PTCD1: variants seen among roughly 807,000 people sequenced by gnomAD.
The protein encoded by PTCD1 is pentatricopeptide repeat domain 1.
PTCD1 carries 50 observed loss-of-function variants against 53.4 expected under a neutral mutation model. The observed-to-expected ratio is 0.94, with a 90% CI of 0.75 to 1.19. PTCD1 has a LOEUF of 1.19. PTCD1 is among the 50% of genes most tolerant of loss of function. PTCD1 has a pLI of 0.00. For missense variants in PTCD1, 918 were observed against 904.8 expected (o/e 1.01, Z -0.19); for synonymous variants, 413 against 394.8 (o/e 1.05, Z -0.55).
chr7:99,433,425 G>A lies in PTCD1; in HGVS notation c.454-7C>T, dbSNP rs1358052763. 1 of 1,614,128 alleles carries A rather than the reference G, an allele frequency of 6.2e-7. No homozygotes were observed. Among genetic ancestry groups the A allele is most frequent in the East Asian group, 2.2e-5 (1 of 44,880 alleles). Reference sequence around the variant, plus strand: ...GGTCCAGGGCTTCAACCAGCTGCAGGGAAGAGGCAACAGGGCAGGGGCTCA... The same window carrying A: ...GGTCCAGGGCTTCAACCAGCTGCAGAGAAGAGGCAACAGGGCAGGGGCTCA... On this transcript the variant is annotated splice_polypyrimidine_tract_variant and splice_region_variant and intron_variant, in intron 2 of 7. Coordinates refer to ENST00000292478, the MANE Select transcript of PTCD1 (RefSeq NM_015545.4).
rs1160652300 is a variant in PTCD1, at chr7:99,427,038, A to G, written c.916-1422T>C. On this transcript the variant is annotated intron_variant, in intron 5 of 7. Transcript: ENST00000292478. ...CGCCCGGGAGTCACCCTGTCTGGGA[A>G]GTGAGGAGCGTCTCCGCCCGGCAGC... is the stretch of plus-strand genomic sequence containing the variant. Among the ~76,000 whole-genome samples the G allele has an allele frequency of 4.1e-5, 6 of 147,860 alleles. No individual in the cohort carries two copies. The South Asian group carries it at 6.5e-4, about 16-fold the overall frequency.
At chr7:99,435,347 T>G (rs897998717) in intron 1 of PTCD1, 79 bp from the exon 2 acceptor site, 1 of 1,555,278 alleles carries the variant, frequency 6.4e-7, no homozygotes. Context: ...TGGTTACAAG[T>G]ATGGGCCCAG....
In PTCD1 at chr7:99,423,824, A is replaced by C; in HGVS notation, c.1871T>G (p.Val624Gly). Reference protein sequence around the residue: ...KQNRVPVNEVVIRQLEFAAQY... With the variant: ...KQNRVPVNEVGIRQLEFAAQY... Reference sequence around the variant, plus strand: ...GGCTGCAAACTCCAGCTGGCGGATGACCACTTCGTTCACCGGGACCCTGTT... The same window carrying C: ...GGCTGCAAACTCCAGCTGGCGGATGCCCACTTCGTTCACCGGGACCCTGTT... The change falls in exon 7 of 8, where the codon GTC (valine) becomes GGC (glycine). Residue 624 changes from valine to glycine, a missense_variant. Transcript: ENST00000292478. The C allele has an allele frequency of 6.2e-7, 1 of 1,614,162 alleles. No homozygotes were observed. The highest frequency in any genetic ancestry group is 8.5e-7 in the Non-Finnish European group (1 of 1,180,030).
Position 99,419,952 on chromosome 7 carries a change from C to G in PTCD1, c.*15G>C, listed in dbSNP as rs756023282. On this transcript the variant is annotated 3_prime_UTR_variant, in exon 8 of 8. Transcript: ENST00000292478. ...AGCACTGGGGGCCGAGCACATTGTTCCAGCTGTGCTCCCATCACCTGCCCC... is the reference window on the plus strand; with the variant it reads ...AGCACTGGGGGCCGAGCACATTGTTGCAGCTGTGCTCCCATCACCTGCCCC... The G allele has an allele frequency of 6.2e-7, 1 of 1,614,104 alleles. No individual in the cohort carries two copies. The highest frequency in any genetic ancestry group is 2.2e-5 in the East Asian group (1 of 44,888).
Position 99,418,443 on chromosome 7 carries a change from AGTT to A in PTCD1, c.*1521_*1523del, listed in dbSNP as rs1388189519. ...GCCGCTCAGTGCAGCCCCTCAGCAC[AGTT>A]GTTGGCCCCACCGCCCATCTGCCAG... On this transcript the variant is annotated 3_prime_UTR_variant, in exon 8 of 8. Coordinates refer to ENST00000292478, the MANE Select transcript of PTCD1 (RefSeq NM_015545.4). 1.3e-5 allele frequency: 2 copies of A among 153,338 alleles called. No individual in the cohort carries two copies. The highest frequency in any genetic ancestry group is 2.9e-5 in the Non-Finnish European group (2 of 68,930). 9.5% of individuals were successfully genotyped at this position (153,338 alleles called of 1,614,324 possible). A position where few individuals can be genotyped will look rare whatever the true frequency, so the allele number is the denominator to read the frequency against.
In PTCD1 at chr7:99,435,143, C is replaced by T. The variant is rs547817298; in HGVS notation, c.100G>A (p.Gly34Ser). The change falls in exon 2 of 8, where the codon GGC (glycine) becomes AGC (serine). Residue 34 changes from glycine to serine, a missense_variant. Transcript: ENST00000292478. ...LDPCRARWAG[G>S]REGLMRPMWA... Reference sequence around the variant, plus strand: ...ATTGGCCGCATCAGCCCCTCCCTGCCTCCTGCCCACCTGGCTCTACAGGGG... The same window carrying T: ...ATTGGCCGCATCAGCCCCTCCCTGCTTCCTGCCCACCTGGCTCTACAGGGG... 1.9e-6 allele frequency: 3 copies of T among 1,601,062 alleles called. No individual in the cohort carries two copies. Among genetic ancestry groups the T allele is most frequent in the Admixed American group, 1.7e-5 (1 of 59,798 alleles).
chr7:99,433,514 G>T, intron 2 of PTCD1, 96 bp from the exon 3 acceptor site: 5 of 1,602,704 alleles, frequency 3.1e-6, no homozygotes, highest in Non-Finnish European at 4.2e-6. Context: ...TCCTAAAATG[G>T]TGGAGAACGG....
chr7:99,426,833 G>T (rs368108407), intron 5 of PTCD1, among the ~76,000 whole-genome samples: 1 of 146,100 alleles, frequency 6.8e-6, no homozygotes, highest in African/African-American at 2.6e-5. Flanking sequence ...CCGCCGCCCC[G>T]TCTGGGATGT....
intron 5 of PTCD1, among the ~76,000 whole-genome samples, chr7:99,427,585 C>A (rs1015808280): frequency 1.3e-5 from 2 of 152,040 alleles, no homozygotes; most frequent in African/African-American, 4.8e-5. Context: ...TGCCCGGCCA[C>A]CACCCCGTCT....
chr7:99,427,937 A>G (rs1431994139), intron 5 of PTCD1, among the ~76,000 whole-genome samples: 1 of 150,846 alleles, frequency 6.6e-6, no homozygotes, highest in East Asian at 1.9e-4. Flanking sequence ...ACCACTCCCT[A>G]ATCTCAAGTA....
Position 99,417,149 on chromosome 7 carries a change from T to A in PTCD1, c.*2818A>T. 1 of 351,518 alleles carries A rather than the reference T, an allele frequency of 2.8e-6. No individual in the cohort carries two copies. Among genetic ancestry groups the A allele is most frequent in the South Asian group, 2.4e-5 (1 of 41,308 alleles). 21.8% of individuals were successfully genotyped at this position (351,518 alleles called of 1,614,324 possible). A position where few individuals can be genotyped will look rare whatever the true frequency, so the allele number is the denominator to read the frequency against. On this transcript the variant is annotated 3_prime_UTR_variant, in exon 8 of 8. Coordinates refer to ENST00000292478, the MANE Select transcript of PTCD1 (RefSeq NM_015545.4). Reference sequence around the variant, plus strand: ...TCAGGTCACTACAACCTCCGCCTCCTGGGTTCAAGTGATTCTCCTGCCTCA... The same window carrying A: ...TCAGGTCACTACAACCTCCGCCTCCAGGGTTCAAGTGATTCTCCTGCCTCA...
Position 99,419,777 on chromosome 7 carries a change from G to A in PTCD1, c.*190C>T, listed in dbSNP as rs1795717385. ...AAGGTGACACGCAAAGGTGGCTGGAGCTGCACTTGGACCTGCTGGGAGCAC... is the reference window on the plus strand; with the variant it reads ...AAGGTGACACGCAAAGGTGGCTGGAACTGCACTTGGACCTGCTGGGAGCAC... On this transcript the variant is annotated 3_prime_UTR_variant, in exon 8 of 8. Coordinates refer to ENST00000292478, the MANE Select transcript of PTCD1 (RefSeq NM_015545.4). 4.4e-6 allele frequency: 4 copies of A among 913,818 alleles called. No individual in the cohort carries two copies. The highest frequency in any genetic ancestry group is 4.9e-6 in the Non-Finnish European group (3 of 616,350). 56.6% of individuals were successfully genotyped at this position (913,818 alleles called of 1,614,324 possible).
intron 5 of PTCD1, among the ~76,000 whole-genome samples, chr7:99,426,709 G>A (rs982860242): frequency 4.0e-5 from 6 of 150,720 alleles, no homozygotes; most frequent in African/African-American, 1.2e-4. Context: ...CTGCCCAGCC[G>A]CCATCCCATC....
chr7:99,425,785 C>T (rs1003783240), intron 5 of PTCD1, among the ~76,000 whole-genome samples, 169 bp from the exon 6 acceptor site: 5 of 152,114 alleles, frequency 3.3e-5, no homozygotes, highest in African/African-American at 1.2e-4. Flanking sequence ...CAAAAAAATA[C>T]GCCAGGCGCG....
intron 1 of PTCD1, among the ~76,000 whole-genome samples, chr7:99,435,684 G>A (rs569587400): frequency 4.0e-5 from 6 of 151,232 alleles, no homozygotes; most frequent in Admixed American, 2.0e-4. Flanking sequence ...GGCCAGGGGC[G>A]GTGGCTCATG....
chr7:99,426,120 TCC>T, intron 5 of PTCD1, among the ~76,000 whole-genome samples: 1 of 145,784 alleles, frequency 6.9e-6, no homozygotes, highest in Non-Finnish European at 1.5e-5. Flanking sequence ...CCTCTCCCTC[TCC>T]CCCTCCCTCT....
Position 99,423,940 on chromosome 7 carries a change from G to T in PTCD1, c.1755C>A (p.Pro585=). 6.2e-7 allele frequency: 1 copy of T among 1,614,088 alleles called. No individual in the cohort carries two copies. Among genetic ancestry groups the T allele is most frequent in the East Asian group, 2.2e-5 (1 of 44,882 alleles). The change falls in exon 7 of 8, where the codon CCC becomes CCA. Residue 585 remains proline (P), a synonymous_variant. Coordinates refer to ENST00000292478, the MANE Select transcript of PTCD1 (RefSeq NM_015545.4). The part of the protein sequence containing the change: ...LTDMKKSQVT[P]NTHIYSALIN... ...TGAGGGCACTGTAGATGTGAGTGTT[G>T]GGGGTCACCTGGGACTTCTAGAACA...
At chr7:99,437,882 C>G (rs544432287) in intron 1 of PTCD1, among the ~76,000 whole-genome samples, 2 of 151,506 alleles carry the variant, frequency 1.3e-5, no homozygotes, top group East Asian at 4.0e-4. Context: ...CCAGGCTGGT[C>G]TCGAACTCCT....
intron 5 of PTCD1, among the ~76,000 whole-genome samples, chr7:99,425,902 A>C (rs1795995505): frequency 6.6e-6 from 1 of 152,102 alleles, no homozygotes; most frequent in Non-Finnish European, 1.5e-5. Flanking sequence ...CCCCATCTCT[A>C]CTAAAAATAC....
Sources: allele counts gnomAD v4.1 joint callset (sites outside exome capture counted in the v4.1 genomes callset), GRCh38; gene constraint gnomAD v4.1.1; transcripts MANE v1.5; gene names NCBI Gene and HGNC (gene_info 2026-07-23, HGNC 2026-07-21).